ADAMTSL1: variants seen among roughly 807,000 people sequenced by gnomAD.
ADAMTSL1 encodes the protein ADAMTS like 1.
A neutral mutation model predicts 201.8 loss-of-function variants in ADAMTSL1; 126 were observed. The observed-to-expected ratio is 0.62, with a 90% confidence interval of 0.54 to 0.72. ADAMTSL1 has a LOEUF of 0.72. Among genes scored for constraint, ADAMTSL1 ranks in the 30% least tolerant of loss-of-function variants. ADAMTSL1 has a pLI of 0.00. For synonymous variants in ADAMTSL1, 1,121 were observed against 903.4 expected (o/e 1.24, Z -4.32); for missense variants, 2,679 against 2,277.8 (o/e 1.18, Z -3.59).
intron 1 of ADAMTSL1, among the ~76,000 whole-genome samples, chr9:17,976,540 G>A (rs1818456345): frequency 3.3e-5 from 5 of 151,422 alleles, no homozygotes; most frequent in Admixed American, 2.6e-4. Flanking sequence ...TCGGAGAATT[G>A]GTTGTTAGTG....
chr9:18,215,446 G>C (rs1354276132), intron 2 of ADAMTSL1, among the ~76,000 whole-genome samples: 4 of 152,044 alleles, frequency 2.6e-5, no homozygotes, highest in Non-Finnish European at 5.9e-5. Context: ...ATATTTATGA[G>C]TTATATATGT....
At chr9:17,963,293 C>T (rs776958397) in intron 1 of ADAMTSL1, among the ~76,000 whole-genome samples, 17 of 151,978 alleles carry the variant, frequency 1.1e-4, no homozygotes, top group Admixed American at 2.0e-4. Flanking sequence ...TATATTTATT[C>T]GCCTATTTAT....
intron 3 of ADAMTSL1, among the ~76,000 whole-genome samples, chr9:18,547,599 G>C (rs1324450067): frequency 6.9e-6 from 1 of 144,196 alleles, no homozygotes; most frequent in Non-Finnish European, 1.5e-5. Context: ...TTTCGAGGAG[G>C]CTCTCTGTTG....
chr9:18,481,173 A>G (rs993517145), intron 1 of ADAMTSL1, among the ~76,000 whole-genome samples: 5 of 152,156 alleles, frequency 3.3e-5, no homozygotes, highest in African/African-American at 1.2e-4. Flanking sequence ...TATAAAGTAA[A>G]CCACACTTCT....
intron 1 of ADAMTSL1, among the ~76,000 whole-genome samples, chr9:17,935,926 G>A (rs188011152): frequency 1.3e-3 from 198 of 152,178 alleles, no homozygotes; most frequent in Non-Finnish European, 2.6e-3. Context: ...CTTCCACATG[G>A]CTTATAAGGC....
At chr9:18,865,188 CG>C (rs960204383) in intron 23 of ADAMTSL1, among the ~76,000 whole-genome samples, 2 of 152,098 alleles carry the variant, frequency 1.3e-5, no homozygotes, top group Admixed American at 1.3e-4. Context: ...TATCCCTCCC[CG>C]CTCCCCCCAC....
At chr9:17,970,831 T>G (rs923497061) in intron 1 of ADAMTSL1, among the ~76,000 whole-genome samples, 1 of 152,030 alleles carries the variant, frequency 6.6e-6, no homozygotes, top group Non-Finnish European at 1.5e-5. Flanking sequence ...AATATTTATG[T>G]CTTTTCCCTG....
At chr9:18,801,472 A>G (rs900552849) in intron 20 of ADAMTSL1, among the ~76,000 whole-genome samples, 1 of 152,088 alleles carries the variant, frequency 6.6e-6, no homozygotes, top group African/African-American at 2.4e-5. Flanking sequence ...TTATTTCATC[A>G]CCCAGGTACT....
upstream of ADAMTSL1, among the ~76,000 whole-genome samples, chr9:18,473,530 T>C (rs547314122): frequency 7.2e-4 from 110 of 152,208 alleles, no homozygotes; most frequent in Non-Finnish European, 1.4e-3. Flanking sequence ...TATGCCACTG[T>C]TTAGGCTTAG....
At chr9:18,030,309 A>C (rs954395007) in intron 1 of ADAMTSL1, among the ~76,000 whole-genome samples, 2 of 152,162 alleles carry the variant, frequency 1.3e-5, no homozygotes, top group African/African-American at 4.8e-5. Flanking sequence ...AAAAAACCAA[A>C]CACCACATGT....
rs1417047024 is a variant in ADAMTSL1, at chr9:18,169,338, A to C, written c.207+5357A>C. Among the ~76,000 whole-genome samples the C allele has an allele frequency of 3.9e-5, 6 of 152,008 alleles. No homozygotes were observed. In the East Asian group the frequency reaches 9.7e-4, roughly 25 times the overall value. On this transcript the variant is annotated intron_variant, in intron 2 of 29. Coordinates refer to the ADAMTSL1 transcript ENST00000680146. ...GGAAGGGATCCAGTTTCAGCTTTCT[A>C]CATATGGCTAGCCAGTTTTCCCAGC...
Position 18,817,162 on chromosome 9 carries a change from G to A in ADAMTSL1, c.3859G>A (p.Ala1287Thr). 1.9e-6 allele frequency: 3 copies of A among 1,597,564 alleles called. No homozygotes were observed. Among genetic ancestry groups the A allele is most frequent in the Non-Finnish European group, 2.6e-6 (3 of 1,171,812 alleles). ...RMTVINTEKP[A>T]VTVDIGSTIK... is the part of the protein sequence containing the mutation. ...GACAGTGATCAACACGGAGAAGCCT[G>A]CAGTCACAGTCGATATAGGAAGCAC... The change falls in exon 21 of 29, where the codon GCA becomes ACA. Residue 1287 changes from alanine to threonine, a missense_variant. Physicochemically the swap from Ala to Thr is moderately conservative, Grantham distance 58. Coordinates refer to ENST00000380548, the MANE Select transcript of ADAMTSL1 (RefSeq NM_001040272.6).
intron 2 of ADAMTSL1, among the ~76,000 whole-genome samples, chr9:18,422,888 A>T (rs1819026053): frequency 6.6e-6 from 1 of 152,186 alleles, no homozygotes; most frequent in South Asian, 2.1e-4. Context: ...CAAGTGAGAT[A>T]AACTTGCCCT....
At chr9:18,427,052 G>A (rs1361301969) in intron 2 of ADAMTSL1, among the ~76,000 whole-genome samples, 1 of 152,168 alleles carries the variant, frequency 6.6e-6, no homozygotes, top group Non-Finnish European at 1.5e-5. Context: ...ACTTTAAGCA[G>A]AATGGATATT....
chr9:18,485,773 T>G (rs947197545), intron 1 of ADAMTSL1, among the ~76,000 whole-genome samples: 37 of 152,060 alleles, frequency 2.4e-4, no homozygotes, highest in African/African-American at 8.9e-4. Flanking sequence ...TCATGCAGGG[T>G]GTTGCAGGCC....
intron 1 of ADAMTSL1, among the ~76,000 whole-genome samples, chr9:17,949,076 A>G (rs1563914412): frequency 6.6e-6 from 1 of 152,238 alleles, no homozygotes; most frequent in Admixed American, 6.5e-5. Context: ...CCCTAAGTAT[A>G]GAATGAAGGT....
At chr9:18,238,222 G>T (rs763694155) in intron 2 of ADAMTSL1, among the ~76,000 whole-genome samples, 3 of 152,166 alleles carry the variant, frequency 2.0e-5, no homozygotes, top group Non-Finnish European at 2.9e-5. Flanking sequence ...CTGTGAAATG[G>T]TTAAGATTCT....
chr9:18,893,752 C>A (rs1172101691), intron 26 of ADAMTSL1, among the ~76,000 whole-genome samples: 1 of 152,162 alleles, frequency 6.6e-6, no homozygotes, highest in Non-Finnish European at 1.5e-5. Context: ...CTTCTCAAAC[C>A]TCCACATTCC....
intron 1 of ADAMTSL1, among the ~76,000 whole-genome samples, chr9:18,022,177 T>A (rs553969161): frequency 9.2e-5 from 14 of 152,232 alleles, no homozygotes; most frequent in Non-Finnish European, 1.8e-4. Flanking sequence ...GCACTTTCTC[T>A]GTGGCCCCAA....
Sources: allele counts gnomAD v4.1 joint callset (sites outside exome capture counted in the v4.1 genomes callset), GRCh38; gene constraint gnomAD v4.1.1; transcripts MANE v1.5; gene names NCBI Gene and HGNC (gene_info 2026-07-23, HGNC 2026-07-21).